Variants in CEMIP observed in about 807,000 individuals in gnomAD.
CEMIP encodes cell migration-inducing and hyaluronan-binding protein.
In CEMIP, 105 loss-of-function variants were observed where a neutral mutation model predicts 156.9. That is an observed-to-expected ratio of 0.67 (90% CI 0.57 to 0.79). CEMIP has a LOEUF of 0.79. CEMIP is among the 30% of genes least tolerant of loss of function. CEMIP has a pLI of 0.00. For missense variants in CEMIP, 1,457 were observed against 1,769.4 expected (o/e 0.82, Z 3.17); for synonymous variants, 676 against 668.4 (o/e 1.01, Z -0.17).
At chr15:80,798,565 GT>G (rs1473327411) in intron 1 of CEMIP, among the ~76,000 whole-genome samples, 11 of 152,142 alleles carry the variant, frequency 7.2e-5, no homozygotes, top group Non-Finnish European at 1.2e-4. Flanking sequence ...ATTTTAACAG[GT>G]GAAAATTCAT....
intron 1 of CEMIP, among the ~76,000 whole-genome samples, chr15:80,805,638 A>C (rs1896496358): frequency 6.6e-6 from 1 of 152,228 alleles, no homozygotes; most frequent in African/African-American, 2.4e-5. Context: ...AATATATACA[A>C]ACATAAAACT....
intron 3 of CEMIP, among the ~76,000 whole-genome samples, chr15:80,876,402 C>T (rs151135754): frequency 6.6e-6 from 1 of 152,374 alleles, no homozygotes; most frequent in African/African-American, 2.4e-5. Flanking sequence ...AATGGAAAGT[C>T]CACTGATGAG....
intron 12 of CEMIP, among the ~76,000 whole-genome samples, chr15:80,899,539 G>A (rs1899378842): frequency 6.6e-6 from 1 of 152,166 alleles, no homozygotes; most frequent in South Asian, 2.1e-4. Flanking sequence ...AAGCTACCTA[G>A]GGAGAAGTAC....
chr15:80,893,475 GC>G (rs919148767), intron 10 of CEMIP, among the ~76,000 whole-genome samples: 1 of 152,134 alleles, frequency 6.6e-6, no homozygotes, highest in African/African-American at 2.4e-5. Flanking sequence ...AAAATCTCCA[GC>G]CCCCTTCGAT....
At chr15:80,832,022 G>T (rs1005735871) in intron 1 of CEMIP, among the ~76,000 whole-genome samples, 14 of 152,292 alleles carry the variant, frequency 9.2e-5, no homozygotes, top group African/African-American at 3.4e-4. Flanking sequence ...CATTCAAATG[G>T]ATACTGTTTT....
At chr15:80,861,238 A>G (rs1044273588) in intron 1 of CEMIP, among the ~76,000 whole-genome samples, 2 of 152,082 alleles carry the variant, frequency 1.3e-5, no homozygotes, top group Non-Finnish European at 2.9e-5. Flanking sequence ...CTGCACTCCT[A>G]TTCCCCTCCC....
At chr15:80,845,420 G>A (rs1897529192) in intron 1 of CEMIP, among the ~76,000 whole-genome samples, 1 of 152,154 alleles carries the variant, frequency 6.6e-6, no homozygotes, top group Admixed American at 6.5e-5. Context: ...AACAAAGTGA[G>A]ACCCTATTTC....
intron 24 of CEMIP, 43 bp from the exon 25 acceptor site, chr15:80,937,751 C>T: frequency 6.2e-7 from 1 of 1,601,916 alleles, no homozygotes; most frequent in East Asian, 2.2e-5. Context: ...GCCCTGTGGC[C>T]TGGACACCCT....
intron 14 of CEMIP, among the ~76,000 whole-genome samples, chr15:80,918,292 A>T (rs1033646887): frequency 1.1e-4 from 16 of 152,180 alleles, no homozygotes; most frequent in African/African-American, 3.6e-4. Flanking sequence ...GAAAAAAGAA[A>T]AAAAAAAGAC....
rs766369599 is a variant in CEMIP at position 80,925,636 on chromosome 15, C to T, written c.2301C>T (p.His767=). The change falls in exon 19 of 30, where the codon CAC becomes CAT. Residue 767 remains histidine, a synonymous_variant. Transcript: ENST00000394685. ...LSIISARYSP[H]QDADPLKPRE... ...GGTTGTGCTGCAGATACAGCCCTCA[C>T]CAGGACGCCGACCCGCTGAAGCCCC... The T allele has an allele frequency of 1.1e-5, 18 of 1,612,932 alleles. No individual in the cohort carries two copies. The highest frequency in any genetic ancestry group is 1.5e-5 in the Non-Finnish European group (18 of 1,179,950).
At chr15:80,839,833 T>A (rs1897355290) in intron 1 of CEMIP, among the ~76,000 whole-genome samples, 1 of 152,236 alleles carries the variant, frequency 6.6e-6, no homozygotes, top group Non-Finnish European at 1.5e-5. Context: ...TCAGTCTCGA[T>A]TATGTCCCAG....
At chr15:80,780,020 G>T (rs1403392553) in intron 1 of CEMIP, among the ~76,000 whole-genome samples, 3 of 152,114 alleles carry the variant, frequency 2.0e-5, no homozygotes, top group Non-Finnish European at 4.4e-5. Flanking sequence ...GTCAGGTCTC[G>T]GTGTCCTGCC....
At chr15:80,891,646 G>A (rs1899035892) in intron 10 of CEMIP, among the ~76,000 whole-genome samples, 1 of 152,134 alleles carries the variant, frequency 6.6e-6, no homozygotes, top group Non-Finnish European at 1.5e-5. Context: ...GCAAAACCAA[G>A]GTCTATTGAG....
chr15:80,791,066 A>G (rs1306212558), intron 1 of CEMIP, among the ~76,000 whole-genome samples: 1 of 151,976 alleles, frequency 6.6e-6, no homozygotes, highest in Non-Finnish European at 1.5e-5. Context: ...CAGAGAATGG[A>G]GGGTTAAGAA....
intron 1 of CEMIP, among the ~76,000 whole-genome samples, chr15:80,786,279 C>T (rs746358647): frequency 4.6e-5 from 7 of 152,108 alleles, no homozygotes; most frequent in African/African-American, 1.4e-4. Flanking sequence ...TTTTGTCACC[C>T]GGGCTAGAGA....
At chr15:80,887,799 C>T (rs1444397109) in intron 8 of CEMIP, 35 bp downstream of exon 8, 1 of 1,518,138 alleles carries the variant, frequency 6.6e-7, no homozygotes, top group Non-Finnish European at 9.1e-7. Context: ...TGATTCCCTC[C>T]AGTGTCTCTC....
At chr15:80,900,638 G>C (rs28480425) in intron 12 of CEMIP, among the ~76,000 whole-genome samples, 2,319 of 101,308 alleles carry the variant, frequency 0.023, 12 homozygotes, top group South Asian at 0.042. Context: ...GTGTGTGTGT[G>C]TGTGTGTGTG....
rs191563022 is a variant in CEMIP at position 80,857,875 on chromosome 15, A to G, written c.-175-15663A>G. On this transcript the variant is annotated intron_variant, in intron 1 of 29. Coordinates refer to ENST00000394685, the MANE Select transcript of CEMIP (RefSeq NM_001293298.2). The stretch of plus-strand genomic sequence containing the variant: ...CAGATGGGAAGAAGATGGTAGGAAA[A>G]GCATCTGTAAGAACAGGACTTTAGA... Among the ~76,000 whole-genome samples, 22 of 152,360 alleles carry G rather than the reference A, an allele frequency of 1.4e-4. No homozygotes were observed. In the East Asian group the frequency reaches 4.0e-3, roughly 28 times the overall value.
At chr15:80,840,154 G>C (rs884377) in intron 1 of CEMIP, among the ~76,000 whole-genome samples, 1 of 152,214 alleles carries the variant, frequency 6.6e-6, no homozygotes, top group Non-Finnish European at 1.5e-5. Context: ...GGGGCTCGGA[G>C]GGTGGCCCCA....
Sources: gnomAD v4.1 joint callset for allele counts (sites outside exome capture counted in the v4.1 genomes callset) on GRCh38, gnomAD v4.1.1 for gene constraint, MANE v1.5 for transcripts, NCBI Gene and HGNC (gene_info 2026-07-23, HGNC 2026-07-21) for gene names.